The following NPHP1 variants were observed in gnomAD, a reference collection of about 807,000 sequenced individuals.
NPHP1 encodes the protein nephrocystin 1.
A neutral mutation model predicts 90.4 loss-of-function variants in NPHP1; 70 were observed. The observed-to-expected ratio is 0.77, with a 90% CI of 0.64 to 0.95. The LOEUF is 0.95. NPHP1 is among the 40% of genes least tolerant of loss of function. The pLI is 0.00. For missense variants in NPHP1, 764 were observed against 795.9 expected (o/e 0.96, Z 0.48); for synonymous variants, 256 against 271.7 (o/e 0.94, Z 0.57).
intron 16 of NPHP1, among the ~76,000 whole-genome samples, chr2:110,138,280 C>T (rs930680672): frequency 1.3e-4 from 19 of 151,910 alleles, no homozygotes; most frequent in African/African-American, 4.6e-4. Context: ...ATGTAACTAA[C>T]CTGCACGTTC....
chr2:110,196,102 G>T (rs11695276), intron 2 of NPHP1, among the ~76,000 whole-genome samples: 67,705 of 151,416 alleles, frequency 0.45, 16,265 homozygotes, highest in African/African-American at 0.62. Context: ...GGGCAAGGAC[G>T]TCATGTCTAA....
chr2:110,146,955 A>G (rs1179692388), intron 13 of NPHP1, 120 bp from the exon 14 acceptor site: 17 of 731,850 alleles, frequency 2.3e-5, no homozygotes, highest in Middle Eastern at 2.4e-4. Context: ...AAAGTTCTTC[A>G]CAAGAAAATA....
chr2:110,130,534 C>T (rs916722151), intron 17 of NPHP1, among the ~76,000 whole-genome samples: 31 of 152,258 alleles, frequency 2.0e-4, no homozygotes, highest in East Asian at 3.9e-4. Flanking sequence ...GAACTTTCTG[C>T]GCTTCTCTGC....
intron 2 of NPHP1, among the ~76,000 whole-genome samples, chr2:110,187,909 C>CA (rs139627954): frequency 4.6e-4 from 69 of 150,436 alleles, no homozygotes; most frequent in Admixed American, 1.1e-3. Flanking sequence ...GAACTTAAGA[C>CA]AAAAAAAAAT....
chr2:110,140,799 G>C (rs1016076771), intron 16 of NPHP1, among the ~76,000 whole-genome samples: 1 of 152,052 alleles, frequency 6.6e-6, no homozygotes, highest in Non-Finnish European at 1.5e-5. Context: ...GAACATCCAA[G>C]GGGGAAAAAA....
intron 9 of NPHP1, 91 bp from the exon 10 acceptor site, chr2:110,161,788 C>A: frequency 1.1e-6 from 1 of 904,774 alleles, no homozygotes; most frequent in South Asian, 1.4e-5. Context: ...AGAGTACAGG[C>A]ACTTCCAAAA....
At chr2:110,171,888 A>G in intron 4 of NPHP1, among the ~76,000 whole-genome samples, 1 of 152,074 alleles carries the variant, frequency 6.6e-6, no homozygotes, top group East Asian at 1.9e-4. Flanking sequence ...TGTTCTTGTC[A>G]TGTTTTGATA....
intron 4 of NPHP1, among the ~76,000 whole-genome samples, chr2:110,171,659 T>C (rs1481401791): frequency 1.3e-5 from 2 of 152,210 alleles, no homozygotes; most frequent in Non-Finnish European, 2.9e-5. Context: ...TTCTAAAATG[T>C]TGCCGAAAAT....
chr2:110,171,386 T>TA (rs1335064897), intron 4 of NPHP1, among the ~76,000 whole-genome samples: 3 of 152,112 alleles, frequency 2.0e-5, no homozygotes, highest in Non-Finnish European at 4.4e-5. Context: ...AAACAATACT[T>TA]AGACTAATGC....
chr2:110,204,868 G>C lies in NPHP1; in HGVS notation c.69+32C>G, dbSNP rs750200627. On this transcript the variant is annotated intron_variant, in intron 1 of 19. Transcript: ENST00000445609. The stretch of plus-strand genomic sequence containing the variant: ...GCGCAGCTGCGTCCGCCTGTCGCCC[G>C]CCCCAGGGCCCTCTGCACAGCCTGA... 3 of 1,609,994 alleles carry C rather than the reference G, an allele frequency of 1.9e-6. No homozygotes were observed. The South Asian group carries it at 3.3e-5, about 18-fold the overall frequency.
intron 2 of NPHP1, among the ~76,000 whole-genome samples, chr2:110,181,038 GCCCCACTTCCATGGC>G (rs935095236): frequency 1.3e-5 from 2 of 152,220 alleles, no homozygotes; most frequent in Non-Finnish European, 2.9e-5. Flanking sequence ...TGTTCCGTGG[GCCCCACTTCCATGGC>G]CCCCACTTCC....
rs112638779 is a variant in NPHP1 at position 110,190,720 on chromosome 2, G to A, written c.143+10701C>T. On this transcript the variant is annotated intron_variant, in intron 2 of 19. Coordinates refer to ENST00000445609, the MANE Select transcript of NPHP1 (RefSeq NM_001128178.3). ...GGCAGAGGAGGCGCCAAGAGTGAGCGAGGGCTGTGAGGACTGCCAGCATGC... is the reference window on the plus strand; with the variant it reads ...GGCAGAGGAGGCGCCAAGAGTGAGCAAGGGCTGTGAGGACTGCCAGCATGC... Among the ~76,000 whole-genome samples, 121 of 152,346 alleles carry A rather than the reference G, an allele frequency of 7.9e-4. 1 individual carries two copies. Among genetic ancestry groups the A allele is most frequent in the East Asian group, 4.4e-3 (23 of 5,176 alleles).
intron 16 of NPHP1, among the ~76,000 whole-genome samples, chr2:110,138,052 A>C (rs1204664451): frequency 6.6e-6 from 1 of 151,990 alleles, no homozygotes; most frequent in Non-Finnish European, 1.5e-5. Context: ...GGAAACCATC[A>C]TTCTCAGCAA....
At chr2:110,156,806 TTCTC>T (rs1681930237) in intron 11 of NPHP1, among the ~76,000 whole-genome samples, 2 of 149,120 alleles carry the variant, frequency 1.3e-5, no homozygotes, top group African/African-American at 2.5e-5. Context: ...GAGACAGAGT[TTCTC>T]TCTGTCACCA....
intron 4 of NPHP1, among the ~76,000 whole-genome samples, chr2:110,172,130 A>G (rs1323767449): frequency 2.0e-5 from 3 of 152,158 alleles, no homozygotes; most frequent in Non-Finnish European, 4.4e-5. Flanking sequence ...CAATTTTAGT[A>G]CATTTTCTTT....
intron 1 of NPHP1, chr2:110,202,550 C>T: frequency 2.7e-6 from 1 of 373,376 alleles, no homozygotes; most frequent in South Asian, 2.0e-5. Flanking sequence ...TATCAAAAGG[C>T]TCCAGAGCCA....
At position 110,187,474 on chromosome 2, in the gene NPHP1, T is replaced by C. The variant is rs187164831; in HGVS notation, c.144-7790A>G. ...CTCCCAAGACTGAACCAGGAAGAAA[T>C]TGAATCCCTGAACAGATCAATAATG... On this transcript the variant is annotated intron_variant, in intron 2 of 19. Coordinates refer to ENST00000445609, the MANE Select transcript of NPHP1 (RefSeq NM_001128178.3). Among the ~76,000 whole-genome samples the C allele has an allele frequency of 4.6e-5, 7 of 152,158 alleles. 1 individual carries two copies. Among genetic ancestry groups the C allele is most frequent in the African/African-American group, 1.4e-4 (6 of 41,498 alleles).
intron 7 of NPHP1, 41 bp downstream of exon 7, chr2:110,165,011 G>A (rs767389326): frequency 1.1e-5 from 16 of 1,445,892 alleles, no homozygotes; most frequent in African/African-American, 2.8e-5. Context: ...CAAATAAAAT[G>A]TTTCCTAAAC....
chr2:110,202,811 T>C (rs1394108096), intron 1 of NPHP1, among the ~76,000 whole-genome samples: 1 of 152,096 alleles, frequency 6.6e-6, no homozygotes, highest in Non-Finnish European at 1.5e-5. Context: ...AGTACACATA[T>C]ACACTGTTGG....
Sources: gnomAD v4.1 joint callset for allele counts (sites outside exome capture counted in the v4.1 genomes callset) on GRCh38, gnomAD v4.1.1 for gene constraint, MANE v1.5 for transcripts, NCBI Gene and HGNC (gene_info 2026-07-23, HGNC 2026-07-21) for gene names.